KLHL22: variants seen among roughly 807,000 people sequenced by gnomAD.
KLHL22 encodes kelch-like protein 22.
KLHL22 carries 18 observed loss-of-function variants against 60.7 expected under a neutral mutation model. The ratio of observed to expected loss-of-function variants is 0.30; its 90% CI spans 0.20 to 0.44. The LOEUF (loss-of-function observed/expected upper bound fraction) is 0.44. KLHL22 is among the 20% of genes least tolerant of loss of function. KLHL22 has a pLI of 1.00. For missense variants in KLHL22, 596 were observed against 852.3 expected (o/e 0.70, Z 3.74); for synonymous variants, 355 against 354.5 (o/e 1.00, Z -0.01).
In KLHL22 at chr22:20,465,818, G is replaced by C. The variant is rs1253404354; in HGVS notation, c.394-242C>G. 6.6e-6 allele frequency among the ~76,000 whole-genome samples: 1 copy of C among 151,620 alleles called. No individual in the cohort carries two copies. The highest frequency in any genetic ancestry group is 6.6e-5 in the Admixed American group (1 of 15,256). ...ATACAGCATGTTTTTTTTTGGTTTTGTTTTGCTTTTCTTTGAGACAAAGTT... is the reference window on the plus strand; with the variant it reads ...ATACAGCATGTTTTTTTTTGGTTTTCTTTTGCTTTTCTTTGAGACAAAGTT... On this transcript the variant is annotated intron_variant, in intron 3 of 6. Transcript: ENST00000328879. This position sits in a 1 kb window ranked among gnomAD's most constrained non-coding sequence, Gnocchi z 4.9.
intron 2 of KLHL22, among the ~76,000 whole-genome samples, chr22:20,481,430 G>A (rs1019095423): frequency 2.6e-5 from 4 of 151,882 alleles, no homozygotes; most frequent in Admixed American, 1.3e-4. Flanking sequence ...AAAATTAGCC[G>A]GGTGTGGTGG....
chr22:20,488,479 C>T, intron 2 of KLHL22: 6 of 167,722 alleles, frequency 3.6e-5, no homozygotes, highest in Admixed American at 1.1e-4. Context: ...AGATTCCAAC[C>T]CAGTGGAAAA....
chr22:20,458,487 A>G (rs1249322571), intron 4 of KLHL22, among the ~76,000 whole-genome samples: 2 of 129,752 alleles, frequency 1.5e-5, no homozygotes, highest in Admixed American at 8.5e-5. Context: ...CAAGGTCTTG[A>G]CACCTGGGAT....
rs2053755263 is a variant in KLHL22 at position 20,495,518 on chromosome 22, G to A, written c.-34+242C>T. On this transcript the variant is annotated intron_variant, in intron 1 of 6. Coordinates refer to ENST00000328879, the MANE Select transcript of KLHL22 (RefSeq NM_032775.4). This position sits in a 1 kb window ranked among gnomAD's most constrained non-coding sequence, Gnocchi z 4.6. ...GAGGAGGCCTCGCACCCTGGCCCCT[G>A]GCCGAGCGCCAGATCCCGGCCCCTA... Among the ~76,000 whole-genome samples the A allele has an allele frequency of 6.6e-6, 1 of 151,594 alleles. No individual in the cohort carries two copies. The highest frequency in any genetic ancestry group is 2.4e-5 in the African/African-American group (1 of 41,382).
chr22:20,486,364 C>G (rs559316926), intron 2 of KLHL22, among the ~76,000 whole-genome samples: 1 of 152,168 alleles, frequency 6.6e-6, no homozygotes, highest in Non-Finnish European at 1.5e-5. Flanking sequence ...AGTAGACACA[C>G]CACACTGCCC....
intron 5 of KLHL22, among the ~76,000 whole-genome samples, chr22:20,453,861 A>C (rs1287188445): frequency 6.6e-6 from 1 of 151,962 alleles, no homozygotes; most frequent in African/African-American, 2.4e-5. Flanking sequence ...CAGCCTCCCC[A>C]GTAGCTGGGA....
chr22:20,452,708 T>C (rs1380497811), intron 5 of KLHL22, among the ~76,000 whole-genome samples: 1 of 152,246 alleles, frequency 6.6e-6, no homozygotes, highest in African/African-American at 2.4e-5. Flanking sequence ...CATCTAGCCA[T>C]GGCAGTGTTA....
chr22:20,444,756 A>G (rs571408768), intron 6 of KLHL22, among the ~76,000 whole-genome samples: 2 of 151,660 alleles, frequency 1.3e-5, no homozygotes, highest in South Asian at 2.1e-4. Context: ...TGAGAGAAGC[A>G]GAATGGGATA....
intron 2 of KLHL22, among the ~76,000 whole-genome samples, chr22:20,485,297 T>C (rs1387779284): frequency 6.6e-6 from 1 of 152,066 alleles, no homozygotes; most frequent in Non-Finnish European, 1.5e-5. Flanking sequence ...ACAAGGTGGG[T>C]GTAGGGTCAG....
chr22:20,493,989 G>A (rs1249225090), intron 1 of KLHL22, among the ~76,000 whole-genome samples: 1 of 150,546 alleles, frequency 6.6e-6, no homozygotes, highest in Non-Finnish European at 1.5e-5. Flanking sequence ...TGAGGCAGGA[G>A]AATCGATTGA....
At position 20,442,316 on chromosome 22, in the gene KLHL22, G is replaced by A. The variant is rs755699868; in HGVS notation, c.1662C>T (p.His554=). The A allele has an allele frequency of 6.2e-7, 1 of 1,613,994 alleles. No individual in the cohort carries two copies. Among genetic ancestry groups the A allele is most frequent in the South Asian group, 1.1e-5 (1 of 91,082 alleles). The change falls in exon 7 of 7, where the codon CAC becomes CAT. Residue 554 remains histidine (H), a synonymous_variant. Transcript: ENST00000328879. ...CGTAGCCTGTGCGGCTGCCGCGGTT[G>A]TGTGAGCGGCCACCTAACACATAGA... ...NRIYVLGGRS[H]NRGSRTGYVH...
rs2053636226 is a variant in KLHL22, at chr22:20,489,026, C to T, written c.186G>A (p.Glu62=). The T allele has an allele frequency of 2.5e-6, 4 of 1,613,964 alleles. No homozygotes were observed. Among genetic ancestry groups the T allele is most frequent in the Non-Finnish European group, 3.4e-6 (4 of 1,180,050 alleles). ...VVLVVEGRHI[E]AHRILLAASC... is the part of the protein sequence containing the mutation. ...ACGCAGCCAGCAGGATGCGATGGGC[C>T]TCGATGTGTCTGCCCTCCACCACCA... Residue 62 remains glutamate (E), a synonymous_variant, in exon 2 of 7, where the codon GAG becomes GAA. Transcript: ENST00000328879.
chr22:20,473,966 T>C (rs2053368122), intron 2 of KLHL22, among the ~76,000 whole-genome samples: 1 of 152,228 alleles, frequency 6.6e-6, no homozygotes, highest in Non-Finnish European at 1.5e-5. Flanking sequence ...AGGGCCACAC[T>C]ATCCTCAGGG....
intron 1 of KLHL22, among the ~76,000 whole-genome samples, chr22:20,492,802 G>A (rs889762538): frequency 2.6e-5 from 4 of 152,084 alleles, no homozygotes; most frequent in Non-Finnish European, 4.4e-5. Flanking sequence ...ATGTTGGTCA[G>A]GCTGGTCTCG....
At chr22:20,491,549 T>C (rs1194774618) in intron 1 of KLHL22, 1 of 152,096 alleles carries the variant, frequency 6.6e-6, no homozygotes, top group Non-Finnish European at 1.5e-5. Context: ...TTTCACAATA[T>C]CACAGTACTG....
At chr22:20,489,537 T>C (rs1374037139) in intron 1 of KLHL22, among the ~76,000 whole-genome samples, 1 of 152,142 alleles carries the variant, frequency 6.6e-6, no homozygotes, top group Non-Finnish European at 1.5e-5. Context: ...CTGACCTGGG[T>C]TGGAGCCCAA....
chr22:20,488,035 G>A (rs2053614911), intron 2 of KLHL22, among the ~76,000 whole-genome samples: 1 of 152,148 alleles, frequency 6.6e-6, no homozygotes, highest in Admixed American at 6.5e-5. Context: ...GGACACATCT[G>A]CACCAAGCCA....
At chr22:20,483,920 G>A in intron 2 of KLHL22, 11 of 677,262 alleles carry the variant, frequency 1.6e-5, no homozygotes, top group South Asian at 1.4e-4. Flanking sequence ...CCGCGGCCAG[G>A]CCCCCAGACC....
intron 2 of KLHL22, chr22:20,483,741 C>A: frequency 1.4e-6 from 1 of 736,898 alleles, no homozygotes. Context: ...AGTCTCTGAT[C>A]TGGGTCCCTT....
Sources: gnomAD v4.1 joint callset for allele counts (sites outside exome capture counted in the v4.1 genomes callset) on GRCh38, gnomAD v4.1.1 for gene constraint, Gnocchi (gnomAD v3.1) non-coding constraint, MANE v1.5 for transcripts, NCBI Gene and HGNC (gene_info 2026-07-23, HGNC 2026-07-21) for gene names.